Variants in LINGO1 observed in about 807,000 individuals in gnomAD.
LINGO1 encodes leucine-rich repeat and immunoglobulin-like domain-containing nogo receptor-interacting protein 1.
A neutral mutation model predicts 37.3 loss-of-function variants in LINGO1; 11 were observed. That is an observed-to-expected ratio of 0.29 (90% confidence interval 0.19 to 0.49). The LOEUF (loss-of-function observed/expected upper bound fraction) is 0.49. LINGO1 is among the 20% of genes least tolerant of loss of function. The probability of loss-of-function intolerance (pLI) is 0.99; values close to 1 mark genes in which losing one functional copy is unlikely to be tolerated. For missense variants in LINGO1, 585 were observed against 878.2 expected (o/e 0.67, Z 4.22); for synonymous variants, 387 against 403.0 (o/e 0.96, Z 0.48).
At chr15:77,774,698 G>A (rs1415098384) in intron 1 of LINGO1, among the ~76,000 whole-genome samples, 1 of 152,176 alleles carries the variant, frequency 6.6e-6, no homozygotes, top group African/African-American at 2.4e-5. Context: ...TCAGTAATGA[G>A]AGCAGCAGTC....
chr15:77,693,715 T>C (rs1230084579), intron 1 of LINGO1, among the ~76,000 whole-genome samples: 1 of 151,988 alleles, frequency 6.6e-6, no homozygotes, highest in African/African-American at 2.4e-5. Flanking sequence ...TTAGCCAGGG[T>C]GATGGCACAG....
chr15:77,791,661 C>T (rs1424866634), upstream of LINGO1, among the ~76,000 whole-genome samples: 1 of 152,042 alleles, frequency 6.6e-6, no homozygotes, highest in Non-Finnish European at 1.5e-5. Flanking sequence ...CTGCAGTAGT[C>T]CCCACTAGTA....
chr15:77,797,584 C>T (rs1216047376), intron 1 of LINGO1, among the ~76,000 whole-genome samples: 1 of 152,206 alleles, frequency 6.6e-6, no homozygotes, highest in African/African-American at 2.4e-5. Flanking sequence ...AAGGGAAGCT[C>T]AGGAAGCTGG....
At chr15:77,630,778 C>T (rs979729844) in intron 1 of LINGO1, among the ~76,000 whole-genome samples, 6 of 152,166 alleles carry the variant, frequency 3.9e-5, no homozygotes, top group Admixed American at 6.5e-5. Context: ...TCCCTGCCTT[C>T]GCTAAGCCCC....
Position 77,765,703 on chromosome 15 carries a change from C to G in LINGO1, c.-257+21166G>C, listed in dbSNP as rs78607838. Among the ~76,000 whole-genome samples the G allele has an allele frequency of 2.6e-3, 396 of 152,238 alleles. 1 individual carries two copies. The highest frequency in any genetic ancestry group is 9.1e-3 in the African/African-American group (380 of 41,536). ...CCTGGGTGGAGAGTGGGGACCCATACTGAAAACTGAAGGAGTAGTTGAGTT... is the reference window on the plus strand; with the variant it reads ...CCTGGGTGGAGAGTGGGGACCCATAGTGAAAACTGAAGGAGTAGTTGAGTT... On this transcript the variant is annotated intron_variant, in intron 1 of 3. Transcript: ENST00000561686.
chr15:77,671,084 G>A (rs2075240149), intron 3 of LINGO1, among the ~76,000 whole-genome samples: 1 of 152,132 alleles, frequency 6.6e-6, no homozygotes, highest in Non-Finnish European at 1.5e-5. Context: ...CTCCCGCAGG[G>A]CCCCTCCCCA....
intron 1 of LINGO1, among the ~76,000 whole-genome samples, chr15:77,753,653 G>C (rs2076392339): frequency 1.3e-5 from 2 of 152,214 alleles, no homozygotes; most frequent in African/African-American, 4.8e-5. Context: ...TGGTGGAGGA[G>C]GGTCAGCCTC....
intron 1 of LINGO1, among the ~76,000 whole-genome samples, chr15:77,765,610 G>C (rs2076520223): frequency 6.6e-6 from 1 of 152,120 alleles, no homozygotes; most frequent in South Asian, 2.1e-4. Context: ...AAGACTGGTA[G>C]TGAGTTTTTT....
At chr15:77,769,873 A>G (rs1356554324) in intron 1 of LINGO1, among the ~76,000 whole-genome samples, 2 of 152,174 alleles carry the variant, frequency 1.3e-5, no homozygotes, top group African/African-American at 4.8e-5. Context: ...AGCAGACGTG[A>G]GCCTGTGCAA....
At chr15:77,782,685 A>C (rs1327010111) in intron 1 of LINGO1, among the ~76,000 whole-genome samples, 1 of 138,678 alleles carries the variant, frequency 7.2e-6, no homozygotes. Context: ...CCCCATAGCC[A>C]CTCTCCAACC....
intron 1 of LINGO1, among the ~76,000 whole-genome samples, chr15:77,631,439 C>T (rs1404910384): frequency 2.0e-5 from 3 of 152,210 alleles, no homozygotes; most frequent in Non-Finnish European, 4.4e-5. Flanking sequence ...GGCTGGGCTG[C>T]GACCCCAGCA....
intron 3 of LINGO1, among the ~76,000 whole-genome samples, chr15:77,652,746 G>A (rs1200601041): frequency 6.6e-6 from 1 of 152,058 alleles, no homozygotes; most frequent in Non-Finnish European, 1.5e-5. Context: ...GCCCAGTGGT[G>A]GTCAATGGCC....
At position 77,784,316 on chromosome 15, in the gene LINGO1, G is replaced by C. The variant is rs139233100; in HGVS notation, c.-257+2553C>G. Among the ~76,000 whole-genome samples, 359 of 152,338 alleles carry C rather than the reference G, an allele frequency of 2.4e-3. 3 individuals are homozygous for C. The highest frequency in any genetic ancestry group is 0.022 in the South Asian group (104 of 4,828). On this transcript the variant is annotated intron_variant, in intron 1 of 3. Coordinates refer to the LINGO1 transcript ENST00000561686. ...CATGGGGCTCTAAGGACACACGCAGGGCCCACTCAGTCCCACTCAGGCCAG... is the reference window on the plus strand; with the variant it reads ...CATGGGGCTCTAAGGACACACGCAGCGCCCACTCAGTCCCACTCAGGCCAG...
intron 2 of LINGO1, among the ~76,000 whole-genome samples, chr15:77,710,460 C>A (rs1054042978): frequency 6.6e-6 from 1 of 152,176 alleles, no homozygotes; most frequent in Non-Finnish European, 1.5e-5. Context: ...ATAGAGACAT[C>A]AGATTAATGA....
chr15:77,687,269 A>G (rs1407408703), intron 2 of LINGO1, among the ~76,000 whole-genome samples: 1 of 151,992 alleles, frequency 6.6e-6, no homozygotes, highest in Non-Finnish European at 1.5e-5. Flanking sequence ...TGCGCAACTG[A>G]GGTCAGGGCT....
rs114577116 is a variant in LINGO1, at chr15:77,815,904, C to T, written c.-458+4354G>A. Among the ~76,000 whole-genome samples, 1,049 of 152,280 alleles carry T rather than the reference C, an allele frequency of 6.9e-3. 12 individuals are homozygous for T. Among genetic ancestry groups the T allele is most frequent in the African/African-American group, 0.024 (1,007 of 41,556 alleles). On this transcript the variant is annotated intron_variant, in intron 1 of 5. Coordinates refer to the LINGO1 transcript ENST00000562933. ...GTCTGGTGCCAACCTTCTCCATGCC[C>T]CCATGTGAACTACTCCACTGCAAAC...
chr15:77,759,682 A>G (rs2076455188), intron 1 of LINGO1, among the ~76,000 whole-genome samples: 1 of 152,230 alleles, frequency 6.6e-6, no homozygotes. Context: ...AGGAGACCAC[A>G]TTAGACAGTG....
rs547385780 is a variant in LINGO1, at chr15:77,710,422, C to T, written c.-194-19521G>A. 1.8e-3 allele frequency among the ~76,000 whole-genome samples: 272 copies of T among 152,304 alleles called. 1 individual carries two copies. The highest frequency in any genetic ancestry group is 6.3e-3 in the African/African-American group (262 of 41,564). On this transcript the variant is annotated intron_variant, in intron 2 of 3. Transcript: ENST00000561686. ...GGGCCACCCAGCTGGTAGAGAGTCT[C>T]GGCTCCTAATTAAGAACCGCTTTGA... is the stretch of plus-strand genomic sequence containing the variant.
At chr15:77,701,762 C>G (rs1466822219) in intron 2 of LINGO1, among the ~76,000 whole-genome samples, 1 of 152,168 alleles carries the variant, frequency 6.6e-6, no homozygotes, top group Admixed American at 6.5e-5. Context: ...CCCCTTTGCT[C>G]TCTGGCACGA....
Sources: allele counts gnomAD v4.1 joint callset (sites outside exome capture counted in the v4.1 genomes callset), GRCh38; gene constraint gnomAD v4.1.1; transcripts MANE v1.5; gene names NCBI Gene and HGNC (gene_info 2026-07-23, HGNC 2026-07-21).